F11: variants seen among roughly 807,000 people sequenced by gnomAD.
F11 encodes the protein coagulation factor XI.
F11 carries 78 observed loss-of-function variants against 76.5 expected under a neutral mutation model. The observed-to-expected ratio is 1.02, with a 90% CI of 0.85 to 1.23. The LOEUF (loss-of-function observed/expected upper bound fraction) is 1.23, where lower values mean the gene tolerates loss of function less well. Ranked by LOEUF, F11 falls within the 50% of genes most tolerant of loss-of-function variation. The probability of loss-of-function intolerance (pLI) is 0.00; values close to 1 mark genes in which losing one functional copy is unlikely to be tolerated. For synonymous variants in F11, 278 were observed against 276.3 expected, an observed-to-expected ratio of 1.01 and a Z score of -0.06; for missense variants, 742 against 771.4, an observed-to-expected ratio of 0.96 and a Z score of 0.45.
At chr4:186,267,230 G>T (rs1443061329) in intron 2 of F11, 39 bp downstream of exon 2, 4 of 1,162,404 alleles carry the variant, frequency 3.4e-6, no homozygotes, top group Non-Finnish European at 5.2e-6. Context: ...CTGGGAGAGG[G>T]AAATCACACT....
intron 10 of F11, chr4:186,282,272 G>C (rs1740863957): frequency 1.0e-6 from 1 of 985,180 alleles, no homozygotes. Flanking sequence ...TACAGAATAT[G>C]CCAGGTATAG....
chr4:186,269,241 G>A (rs913279492), intron 2 of F11, among the ~76,000 whole-genome samples: 2 of 152,090 alleles, frequency 1.3e-5, no homozygotes, highest in Admixed American at 6.6e-5. Flanking sequence ...GTGTGACTTC[G>A]GGGTACATAC....
In F11 at chr4:186,287,754, C is replaced by T; in HGVS notation, c.1647C>T (p.Tyr549=). 1 of 1,613,538 alleles carries T rather than the reference C, an allele frequency of 6.2e-7. No homozygotes were observed. Among genetic ancestry groups the T allele is most frequent in the South Asian group, 1.1e-5 (1 of 91,058 alleles). Residue 549 remains tyrosine, a synonymous_variant, in exon 14 of 15, where the codon TAC becomes TAT. Coordinates refer to ENST00000403665, the MANE Select transcript of F11 (RefSeq NM_000128.4). ...CCAACGAAGAGTGCCAGAAGAGATA[C>T]AGAGGACATAAAATAACCCATAAGA... ...LVTNEECQKR[Y]RGHKITHKMI... is the part of the protein sequence containing the mutation.
intron 4 of F11, 36 bp from the exon 5 acceptor site, chr4:186,274,080 C>A: frequency 6.2e-7 from 1 of 1,613,642 alleles, no homozygotes; most frequent in Non-Finnish European, 8.5e-7. Flanking sequence ...CCCCTAGAAT[C>A]TGGAAGGTAC....
intron 2 of F11, 51 bp downstream of exon 2, chr4:186,267,242 C>G (rs1471453663): frequency 1.9e-6 from 2 of 1,051,204 alleles, no homozygotes; most frequent in South Asian, 2.5e-5. Context: ...AATCACACTG[C>G]AATCTCCACA....
At position 186,275,817 on chromosome 4, in the gene F11, A is replaced by T. The variant is rs983294493; in HGVS notation, c.516A>T (p.Thr172=). ...TTTGTCTACTGAAGCACACCCAAAC[A>T]GGGACACCAACCAGAATAACGAAGC... The part of the protein sequence containing the change: ...RNICLLKHTQ[T]GTPTRITKLD... The change falls in exon 6 of 15, where the codon ACA becomes ACT. Residue 172 remains threonine, a synonymous_variant. Transcript: ENST00000403665. The T allele has an allele frequency of 5.0e-6, 8 of 1,613,428 alleles. No individual in the cohort carries two copies. The Admixed American group carries it at 5.0e-5, about 10-fold the overall frequency.
intron 10 of F11, chr4:186,283,165 C>A: frequency 2.1e-6 from 1 of 475,290 alleles, no homozygotes; most frequent in Non-Finnish European, 2.7e-6. Context: ...TTGAAAGCTA[C>A]ACAGGCAACC....
In F11 at chr4:186,287,791, G is replaced by A. The variant is rs151121343; in HGVS notation, c.1684G>A (p.Gly562Ser). 2.8e-5 allele frequency: 45 copies of A among 1,613,172 alleles called. No homozygotes were observed. The highest frequency in any genetic ancestry group is 1.2e-4 in the Admixed American group (7 of 59,956). The change falls in exon 14 of 15, where the codon GGC becomes AGC. Residue 562 changes from glycine to serine, a missense_variant. Transcript: ENST00000403665. ...AATAACCCATAAGATGATCTGTGCC[G>A]GCTACAGGGAAGGAGGGAAGGACGC... ...HKITHKMICA[G>S]YREGGKDACK...
intron 13 of F11, 183 bp downstream of exon 13, chr4:186,286,693 GA>G (rs1421576965): frequency 4.1e-6 from 4 of 985,298 alleles, no homozygotes; most frequent in African/African-American, 3.5e-5. Context: ...TGTTTGATTG[GA>G]AATTTTAAAT....
chr4:186,270,478 T>A (rs1225853857), intron 2 of F11, among the ~76,000 whole-genome samples: 4 of 152,144 alleles, frequency 2.6e-5, no homozygotes, highest in African/African-American at 9.7e-5. Flanking sequence ...AAGTGCCGGC[T>A]TTTGGTGTAC....
intron 11 of F11, among the ~76,000 whole-genome samples, chr4:186,285,156 T>C (rs1224977993): frequency 6.6e-6 from 1 of 152,110 alleles, no homozygotes; most frequent in Non-Finnish European, 1.5e-5. Context: ...CTTTTTAGTT[T>C]TGGTTTTCTT....
rs281875258 is a variant in F11 at position 186,286,451 on chromosome 4, A to G, written c.1517A>G (p.Asp506Gly). The G allele has an allele frequency of 3.1e-6, 5 of 1,614,020 alleles. No homozygotes were observed. In the East Asian group the frequency reaches 1.1e-4, roughly 36 times the overall value. ...CCCATATGCCTGCCTTCCAAAGGAGATAGAAATGTAATATACACTGATTGC... is the reference window on the plus strand; with the variant it reads ...CCCATATGCCTGCCTTCCAAAGGAGGTAGAAATGTAATATACACTGATTGC... Reference protein sequence around the residue: ...QRPICLPSKGDRNVIYTDCWV... With the variant: ...QRPICLPSKGGRNVIYTDCWV... Residue 506 changes from aspartate to glycine, a missense_variant, in exon 13 of 15, where the codon GAT becomes GGT. Coordinates refer to ENST00000403665, the MANE Select transcript of F11 (RefSeq NM_000128.4).
rs4253428 is a variant in F11 at position 186,288,073 on chromosome 4, G to A, written c.1716+250G>A. 0.16 allele frequency among the ~76,000 whole-genome samples: 24,691 copies of A among 150,778 alleles called. 2,098 individuals carry two copies. The highest frequency in any genetic ancestry group is 0.2 in the Middle Eastern group (57 of 290). On this transcript the variant is annotated intron_variant, in intron 14 of 14. Transcript: ENST00000403665. ...GCGCCAGCTACCAAGCCCAGCTAGC[G>A]TCTTTTTTTTTTTTAGTTTTAGTAG...
At position 186,285,855 on chromosome 4, in the gene F11, C is replaced by T. The variant is rs750372328; in HGVS notation, c.1480+42C>T. ...CCGGAAAGTTGTCTCCAATGGTGAA[C>T]TGGATAAAATGTTTAACACTACTAG... On this transcript the variant is annotated intron_variant, in intron 12 of 14. Coordinates refer to ENST00000403665, the MANE Select transcript of F11 (RefSeq NM_000128.4). 1.1e-5 allele frequency: 18 copies of T among 1,604,058 alleles called. No individual in the cohort carries two copies. The Admixed American group carries it at 2.8e-4, about 25-fold the overall frequency.
In F11 at chr4:186,286,395, C is replaced by T; in HGVS notation, c.1481-20C>T. 2 of 1,604,684 alleles carry T rather than the reference C, an allele frequency of 1.2e-6. No homozygotes were observed. The highest frequency in any genetic ancestry group is 1.7e-4 in the Middle Eastern group (1 of 6,040). ...ATATATTTTGCGTCTCATATTTAAA[C>T]CACGATTTTTTAAATTTAGATTCTC... On this transcript the variant is annotated intron_variant, in intron 12 of 14. Coordinates refer to ENST00000403665, the MANE Select transcript of F11 (RefSeq NM_000128.4).
intron 5 of F11, chr4:186,275,217 GC>G (rs1561482952): frequency 6.6e-6 from 3 of 456,106 alleles, no homozygotes; most frequent in Non-Finnish European, 1.3e-5. Context: ...TTAGCCAGGC[GC>G]GGTGGCTCAC....
chr4:186,279,360 T>G (rs1740610077), intron 7 of F11, among the ~76,000 whole-genome samples: 1 of 151,304 alleles, frequency 6.6e-6, no homozygotes, highest in Admixed American at 6.6e-5. Flanking sequence ...CCAGCCTGGG[T>G]GACAAGAGAA....
chr4:186,271,882 T>A (rs912762591), intron 3 of F11, 111 bp downstream of exon 3: 1 of 1,222,690 alleles, frequency 8.2e-7, no homozygotes, highest in Non-Finnish European at 1.2e-6. Context: ...AACTGGAAGA[T>A]AAATTGTCTT....
At chr4:186,289,745 T>C (rs746568794), downstream of F11, among the ~76,000 whole-genome samples, 33 of 150,872 alleles carry the variant, frequency 2.2e-4, no homozygotes, top group Non-Finnish European at 4.1e-4. Context: ...TGCAGTGGTG[T>C]GATCTCGGCT....
Sources: gnomAD v4.1 joint callset for allele counts (sites outside exome capture counted in the v4.1 genomes callset) on GRCh38, gnomAD v4.1.1 for gene constraint, MANE v1.5 for transcripts, NCBI Gene and HGNC (gene_info 2026-07-23, HGNC 2026-07-21) for gene names.